The following CD99 variants were observed in gnomAD, a reference collection of about 807,000 sequenced individuals.
CD99 encodes CD99 molecule (Xg blood group).
In CD99, 19 loss-of-function variants were observed where a neutral mutation model predicts 28.4. That is an observed-to-expected ratio of 0.67 (90% confidence interval 0.47 to 0.98). The LOEUF (loss-of-function observed/expected upper bound fraction) is 0.98, where lower values mean the gene tolerates loss of function less well. CD99 is among the 50% of genes least tolerant of loss of function. CD99 has a pLI of 0.00. For missense variants in CD99, 283 were observed against 248.8 expected (o/e 1.14, Z -0.92); for synonymous variants, 103 against 92.1 (o/e 1.12, Z -0.67).
At chrX:2,717,954 T>A (rs2048810709) in intron 3 of CD99, 1 of 356,650 alleles carries the variant, frequency 2.8e-6, no homozygotes, top group Non-Finnish European at 5.1e-6. Context: ...TTTTTTTTTT[T>A]TTTTGAGATG....
intron 2 of CD99, 189 bp downstream of exon 2, chrX:2,714,643 A>G (rs1332660719): frequency 4.0e-6 from 2 of 501,094 alleles, no homozygotes; most frequent in Non-Finnish European, 7.3e-6. Flanking sequence ...AGTATGCAAT[A>G]GCATTACCTC....
At chrX:2,699,304 G>C (rs1475964061) in intron 1 of CD99, among the ~76,000 whole-genome samples, 1 of 151,272 alleles carries the variant, frequency 6.6e-6, no homozygotes, top group African/African-American at 2.4e-5. Context: ...TGAGTAGCTG[G>C]AACTACAGGC....
intron 8 of CD99, chrX:2,733,458 C>G: frequency 7.1e-7 from 1 of 1,409,164 alleles, no homozygotes; most frequent in Non-Finnish European, 9.8e-7. Flanking sequence ...AAAGCAAACC[C>G]TTCCATCTGC....
intron 1 of CD99, among the ~76,000 whole-genome samples, chrX:2,703,901 G>T (rs1050869973): frequency 1.3e-5 from 2 of 152,070 alleles, no homozygotes; most frequent in African/African-American, 4.8e-5. Context: ...ATCTGGGCTG[G>T]CATCTGCCTG....
At chrX:2,730,629 C>T (rs2049550309) in intron 8 of CD99, among the ~76,000 whole-genome samples, 1 of 152,128 alleles carries the variant, frequency 6.6e-6, no homozygotes, top group African/African-American at 2.4e-5. Context: ...GTCCAACTTT[C>T]AATTCCTGGT....
At chrX:2,719,764 A>C (rs372049067) in intron 4 of CD99, 59 bp downstream of exon 4, 2 of 1,513,456 alleles carry the variant, frequency 1.3e-6, no homozygotes, top group African/African-American at 2.7e-5. Context: ...CCCAATTATG[A>C]TCATTTCAGA....
chrX:2,703,035 C>T (rs182037300), intron 1 of CD99, among the ~76,000 whole-genome samples: 2,352 of 152,184 alleles, frequency 0.015, 64 homozygotes, highest in African/African-American at 0.052. Context: ...GTGATTCACC[C>T]GCCTGGGCTT....
At chrX:2,716,393 G>A (rs1049962795) in intron 2 of CD99, among the ~76,000 whole-genome samples, 1 of 152,106 alleles carries the variant, frequency 6.6e-6, no homozygotes, top group South Asian at 2.1e-4. Context: ...TTGGAGTGCA[G>A]TGTTGGGATC....
chrX:2,734,435 T>C (rs2049829952), intron 8 of CD99, among the ~76,000 whole-genome samples: 1 of 151,792 alleles, frequency 6.6e-6, no homozygotes, highest in Non-Finnish European at 1.5e-5. Flanking sequence ...GCCTCCCGAG[T>C]AGCTGGGACT....
intron 8 of CD99, among the ~76,000 whole-genome samples, chrX:2,731,768 C>G (rs979981235): frequency 2.6e-5 from 4 of 152,058 alleles, no homozygotes; most frequent in African/African-American, 9.7e-5. Context: ...ATCTTTCCAA[C>G]AAGGAGATGC....
In CD99 at chrX:2,691,377, C is replaced by G. The variant is rs2047274571; in HGVS notation, c.17C>G (p.Ala6Gly). 1 of 1,577,426 alleles carries G rather than the reference C, an allele frequency of 6.3e-7. No homozygotes were observed. The highest frequency in any genetic ancestry group is 1.1e-5 in the South Asian group (1 of 88,028). Residue 6 changes from alanine to glycine, a missense_variant, in exon 1 of 10, where the codon GCG becomes GGG. Ala to Gly is a moderately conservative substitution (Grantham distance 60). Coordinates refer to ENST00000381192, the MANE Select transcript of CD99 (RefSeq NM_002414.5). ...GGGCGCACCATGGCCCGCGGGGCTG[C>G]GCTGGCGCTGCTGCTCTTCGGCCTG... is the stretch of plus-strand genomic sequence containing the variant. MARGA[A>G]LALLLFGLLG...
intron 9 of CD99, among the ~76,000 whole-genome samples, chrX:2,738,576 T>A (rs2050059582): frequency 6.6e-6 from 1 of 151,904 alleles, no homozygotes; most frequent in Non-Finnish European, 1.5e-5. Context: ...AAATACAAAA[T>A]TAGCTGAGTG....
intron 1 of CD99, among the ~76,000 whole-genome samples, chrX:2,692,979 C>A (rs1304592018): frequency 6.6e-6 from 1 of 152,152 alleles, no homozygotes; most frequent in African/African-American, 2.4e-5. Context: ...CTCAGGGGTT[C>A]CCAGTGGTAA....
chrX:2,693,111 A>G (rs184301), intron 1 of CD99, among the ~76,000 whole-genome samples: 16,327 of 151,258 alleles, frequency 0.11, 1,209 homozygotes, highest in East Asian at 0.21. Context: ...GCCCCAAACA[A>G]GTCGTTGCAC....
intron 1 of CD99, among the ~76,000 whole-genome samples, chrX:2,708,582 A>G (rs1352347796): frequency 6.6e-6 from 1 of 152,300 alleles, no homozygotes; most frequent in African/African-American, 2.4e-5. Flanking sequence ...AATTGTTTCA[A>G]TTAAAAACTG....
chrX:2,710,995 T>A (rs920041158), intron 1 of CD99, among the ~76,000 whole-genome samples: 1 of 149,918 alleles, frequency 6.7e-6, no homozygotes, highest in Non-Finnish European at 1.5e-5. Context: ...CTCAGCCTCC[T>A]GAGTAGCTGG....
intron 1 of CD99, among the ~76,000 whole-genome samples, chrX:2,697,777 G>A (rs997802779): frequency 1.3e-5 from 2 of 152,042 alleles, no homozygotes; most frequent in Non-Finnish European, 2.9e-5. Context: ...GGGGAAATGG[G>A]TTGGGTTCTA....
chrX:2,704,667 C>T (rs897476347), intron 1 of CD99, among the ~76,000 whole-genome samples: 5 of 152,092 alleles, frequency 3.3e-5, no homozygotes, highest in African/African-American at 1.2e-4. Context: ...CAGTGATCTG[C>T]CTGCCTCAAC....
Position 2,726,315 on chromosome X carries a change from T to C in CD99, c.417T>C (p.Ala139=), listed in dbSNP as rs1569445163. 1.9e-6 allele frequency: 3 copies of C among 1,612,098 alleles called. No homozygotes were observed. Among genetic ancestry groups the C allele is most frequent in the African/African-American group, 1.3e-5 (1 of 74,852 alleles). Residue 139 remains alanine (A), a synonymous_variant, in exon 8 of 10, where the codon GCT becomes GCC. Transcript: ENST00000381192. ...TGGGGGCTGTCGTGGTCGCCGTGGC[T>C]GGAGCCATCTCTAGCTTCATTGCTT... The part of the protein sequence containing the change: ...GIVGAVVVAV[A]GAISSFIAYQ...
Sources: allele counts gnomAD v4.1 joint callset (sites outside exome capture counted in the v4.1 genomes callset), GRCh38; gene constraint gnomAD v4.1.1; transcripts MANE v1.5; gene names NCBI Gene and HGNC (gene_info 2026-07-23, HGNC 2026-07-21).